Variants in GRM8 observed in about 807,000 individuals in gnomAD.
GRM8 encodes the protein metabotropic glutamate receptor 8.
A neutral mutation model predicts 87.2 loss-of-function variants in GRM8; 47 were observed. The observed-to-expected ratio is 0.54, with a 90% confidence interval of 0.43 to 0.69. GRM8 has a LOEUF of 0.69. Among genes scored for constraint, GRM8 ranks in the 30% least tolerant of loss-of-function variants. The pLI, the probability that GRM8 is intolerant of heterozygous loss-of-function variation, is 0.00. For synonymous variants in GRM8, 396 were observed against 404.5 expected, an observed-to-expected ratio of 0.98 and a Z score of 0.25; for missense variants, 1,019 against 1,139.2, an observed-to-expected ratio of 0.89 and a Z score of 1.52.
chr7:127,138,810 T>C (rs1828094580), intron 2 of GRM8, among the ~76,000 whole-genome samples: 1 of 152,070 alleles, frequency 6.6e-6, no homozygotes, highest in South Asian at 2.1e-4. Context: ...AATCCAACTT[T>C]CAGCTCACCC....
At chr7:126,925,127 CT>C (rs1586476826) in intron 3 of GRM8, among the ~76,000 whole-genome samples, 1 of 152,194 alleles carries the variant, frequency 6.6e-6, no homozygotes, top group Non-Finnish European at 1.5e-5. Context: ...GCATGAAAAA[CT>C]CCCCAAAATA....
At chr7:126,501,422 G>C (rs904750296) in intron 9 of GRM8, among the ~76,000 whole-genome samples, 1 of 151,984 alleles carries the variant, frequency 6.6e-6, no homozygotes, top group African/African-American at 2.4e-5. Flanking sequence ...GATCCCAGCT[G>C]AGAAGAACCA....
At position 126,831,543 on chromosome 7, in the gene GRM8, G is replaced by A. The variant is rs541653981; in HGVS notation, c.1157-61478C>T. ...AATCTCCTGGTATGCCATTTCCTAAGCCCATCGGAAAAGTCCAGTATTTGG... is the reference window on the plus strand; with the variant it reads ...AATCTCCTGGTATGCCATTTCCTAAACCCATCGGAAAAGTCCAGTATTTGG... On this transcript the variant is annotated intron_variant, in intron 6 of 10. Coordinates refer to ENST00000339582, the MANE Select transcript of GRM8 (RefSeq NM_000845.3). 3.9e-5 allele frequency among the ~76,000 whole-genome samples: 6 copies of A among 152,350 alleles called. No homozygotes were observed. In the East Asian group the frequency reaches 1.2e-3, roughly 29 times the overall value.
intron 2 of GRM8, chr7:127,112,092 GC>G (rs1023400037): frequency 5.3e-5 from 8 of 151,216 alleles, no homozygotes; most frequent in African/African-American, 1.7e-4. Context: ...TTTCCCCATT[GC>G]CCTTAGAATA....
intron 6 of GRM8, among the ~76,000 whole-genome samples, chr7:126,886,203 C>T (rs1269448054): frequency 6.6e-6 from 1 of 152,150 alleles, no homozygotes; most frequent in Admixed American, 6.6e-5. Context: ...AGCTTCCCCA[C>T]ATTATTGCCA....
chr7:126,626,101 A>AGTGTCTGTGT (rs147069195), intron 7 of GRM8, among the ~76,000 whole-genome samples: 2 of 148,838 alleles, frequency 1.3e-5, no homozygotes, highest in Admixed American at 1.3e-4. Flanking sequence ...ATATGAGAGA[A>AGTGTCTGTGT]GTGTGTGTGT....
intron 9 of GRM8, among the ~76,000 whole-genome samples, chr7:126,459,802 G>A (rs1803687645): frequency 1.3e-5 from 2 of 151,350 alleles, no homozygotes; most frequent in Non-Finnish European, 3.0e-5. Context: ...AAGATGTAAA[G>A]GGAACTCTAT....
chr7:127,028,326 G>T (rs777181381), intron 3 of GRM8, among the ~76,000 whole-genome samples: 7 of 152,030 alleles, frequency 4.6e-5, no homozygotes, highest in Non-Finnish European at 8.8e-5. Context: ...AGGCTTTGTT[G>T]TCAGGATGAT....
chr7:127,083,122 A>G (rs1352086198), intron 3 of GRM8, among the ~76,000 whole-genome samples: 2 of 152,224 alleles, frequency 1.3e-5, no homozygotes, highest in African/African-American at 4.8e-5. Context: ...GACACATAAA[A>G]TCAACCATCA....
intron 7 of GRM8, among the ~76,000 whole-genome samples, chr7:126,765,286 TTTTA>T (rs2151590625): frequency 6.6e-6 from 1 of 152,158 alleles, no homozygotes; most frequent in Admixed American, 6.6e-5. Flanking sequence ...TCTTATAGGT[TTTTA>T]TTTCTTAGGA....
chr7:126,684,211 ATC>A (rs1198757726), intron 7 of GRM8, among the ~76,000 whole-genome samples: 1 of 152,182 alleles, frequency 6.6e-6, no homozygotes, highest in East Asian at 1.9e-4. Context: ...TGAACCTAGC[ATC>A]TGTCTGTTGA....
In GRM8 at chr7:126,439,089, C is replaced by G. The variant is rs1801152301; in HGVS notation, c.*30G>C. The G allele has an allele frequency of 1.5e-6, 2 of 1,358,908 alleles. No homozygotes were observed. Among genetic ancestry groups the G allele is most frequent in the Non-Finnish European group, 2.1e-6 (2 of 947,556 alleles). The allele number at this position is 1,358,908 out of a possible 1,614,324, so 84.2% of individuals were successfully genotyped here. A position where few individuals can be genotyped will look rare whatever the true frequency, so the allele number is the denominator to read the frequency against. On this transcript the variant is annotated 3_prime_UTR_variant, in exon 11 of 11. Transcript: ENST00000339582. ...GTTCATCATTTAAGATCATATACCA[C>G]ATCTCTTCAGATTGTGCCATTTCCC...
At chr7:126,665,872 T>C (rs1026721635) in intron 7 of GRM8, among the ~76,000 whole-genome samples, 4 of 152,136 alleles carry the variant, frequency 2.6e-5, no homozygotes, top group African/African-American at 9.6e-5. Context: ...TTTTATTGTT[T>C]TCAATAATCT....
chr7:127,004,653 G>A (rs1285123328), intron 3 of GRM8, among the ~76,000 whole-genome samples: 3 of 151,514 alleles, frequency 2.0e-5, no homozygotes, highest in South Asian at 4.1e-4. Flanking sequence ...CTTTAAGGAT[G>A]AAGAAAAATA....
At chr7:126,847,787 GA>G (rs1163128053) in intron 6 of GRM8, among the ~76,000 whole-genome samples, 3 of 152,194 alleles carry the variant, frequency 2.0e-5, no homozygotes, top group Non-Finnish European at 4.4e-5. Context: ...TTCAAGGGGA[GA>G]GAATATGGAC....
chr7:127,241,318 C>A (rs1798281723), intron 2 of GRM8, among the ~76,000 whole-genome samples: 1 of 152,168 alleles, frequency 6.6e-6, no homozygotes, highest in Non-Finnish European at 1.5e-5. Flanking sequence ...TTCCTTTCAT[C>A]TTTTGTGTGA....
At chr7:126,951,858 A>G (rs1430616177) in intron 3 of GRM8, among the ~76,000 whole-genome samples, 1 of 152,050 alleles carries the variant, frequency 6.6e-6, no homozygotes, top group Non-Finnish European at 1.5e-5. Context: ...CTATATAGAC[A>G]TATAGATAAA....
At chr7:127,082,788 T>C (rs1405152688) in intron 3 of GRM8, among the ~76,000 whole-genome samples, 3 of 152,214 alleles carry the variant, frequency 2.0e-5, no homozygotes, top group Non-Finnish European at 4.4e-5. Flanking sequence ...CTTTTAATCA[T>C]TACAAAAGCC....
At chr7:126,636,053 A>G (rs1801820981) in intron 7 of GRM8, among the ~76,000 whole-genome samples, 1 of 152,164 alleles carries the variant, frequency 6.6e-6, no homozygotes, top group Non-Finnish European at 1.5e-5. Flanking sequence ...AATGTCTGAA[A>G]AGAAAATAAA....
Sources: allele counts gnomAD v4.1 joint callset (sites outside exome capture counted in the v4.1 genomes callset), GRCh38; gene constraint gnomAD v4.1.1; transcripts MANE v1.5; gene names NCBI Gene and HGNC (gene_info 2026-07-23, HGNC 2026-07-21).